PCLO: variants seen among roughly 807,000 people sequenced by gnomAD.
PCLO encodes the protein protein piccolo.
A neutral mutation model predicts 427.5 loss-of-function variants in PCLO; 82 were observed. The observed-to-expected ratio is 0.19, with a 90% CI of 0.16 to 0.23. The LOEUF is 0.23. Ranked by LOEUF, PCLO falls within the 10% of genes least tolerant of loss-of-function variation. The probability of loss-of-function intolerance (pLI) is 1.00; values close to 1 mark genes in which losing one functional copy is unlikely to be tolerated. For missense variants in PCLO, 6,239 were observed against 6,115.9 expected (o/e 1.02, Z -0.67); for synonymous variants, 2,357 against 2,155.4 (o/e 1.09, Z -2.59).
intron 22 of PCLO, among the ~76,000 whole-genome samples, chr7:82,768,823 T>C (rs1458745362): frequency 6.6e-6 from 1 of 152,186 alleles, no homozygotes; most frequent in Non-Finnish European, 1.5e-5. Context: ...TTGAAAAATA[T>C]GTGTATGTGA....
intron 3 of PCLO, among the ~76,000 whole-genome samples, chr7:83,091,556 C>T (rs1790378341): frequency 6.6e-6 from 1 of 152,162 alleles, no homozygotes; most frequent in Non-Finnish European, 1.5e-5. Context: ...AGAACTAAAA[C>T]TGCTAATCAA....
chr7:82,784,335 GT>G (rs1298025380), intron 22 of PCLO, among the ~76,000 whole-genome samples: 1 of 152,128 alleles, frequency 6.6e-6, no homozygotes, highest in African/African-American at 2.4e-5. Flanking sequence ...ACTTCTGCTG[GT>G]CAGCCGGGAA....
chr7:82,916,288 G>A lies in PCLO; in HGVS notation c.11698C>T (p.Pro3900Ser), dbSNP rs772380991. Residue 3900 changes from proline (P) to serine (S), a missense_variant, in exon 7 of 25, where the codon CCC (proline) becomes TCC (serine). Pro to Ser is a moderately conservative substitution (Grantham distance 74). Transcript: ENST00000333891. ...YSSPALPTQAPTSYTQQSHFE... is the reference protein window; with the variant it reads ...YSSPALPTQASTSYTQQSHFE... Reference sequence around the variant, plus strand: ...TGAGACTGTTGAGTGTATGAGGTGGGTGCTTGGGTAGGAAGAGCAGGGGAA... The same window carrying A: ...TGAGACTGTTGAGTGTATGAGGTGGATGCTTGGGTAGGAAGAGCAGGGGAA... The A allele has an allele frequency of 7.8e-5, 126 of 1,613,580 alleles. No homozygotes were observed. Among genetic ancestry groups the A allele is most frequent in the Non-Finnish European group, 1.0e-4 (122 of 1,179,716 alleles).
chr7:82,972,652 T>C (rs1795931552), intron 3 of PCLO, among the ~76,000 whole-genome samples: 3 of 152,062 alleles, frequency 2.0e-5, no homozygotes, highest in Admixed American at 2.0e-4. Flanking sequence ...CATAGAAGTA[T>C]GTAGTCAAAG....
Position 82,879,398 on chromosome 7 carries a change from T to C in PCLO, c.13593A>G (p.Gly4531=). 1 of 1,610,500 alleles carries C rather than the reference T, an allele frequency of 6.2e-7. No individual in the cohort carries two copies. ...KEIPGHSGEI[G]AYIAKILPGG... ...CAGGAAGAATCTTGGCAATATAGGC[T>C]CCAATTTCTCCACTATGTCCCGGGA... Residue 4531 remains glycine (G), a synonymous_variant, in exon 10 of 25, where the codon GGA becomes GGG. Coordinates refer to ENST00000333891, the MANE Select transcript of PCLO (RefSeq NM_033026.6).
rs774055010 is a variant in PCLO at position 82,949,504 on chromosome 7, G to A, written c.11084C>T (p.Ala3695Val). The A allele has an allele frequency of 5.0e-6, 8 of 1,609,382 alleles. No homozygotes were observed. The Admixed American group carries it at 1.2e-4, about 24-fold the overall frequency. Residue 3695 changes from alanine to valine, a missense_variant, in exon 6 of 25, where the codon GCT becomes GTT. Coordinates refer to ENST00000333891, the MANE Select transcript of PCLO (RefSeq NM_033026.6). Reference sequence around the variant, plus strand: ...ATAGCCCTCGGTATACTGAAAAGGAGCCCTGGAACTTTCGTCTGCTGTTGG... The same window carrying A: ...ATAGCCCTCGGTATACTGAAAAGGAACCCTGGAACTTTCGTCTGCTGTTGG... Reference protein sequence around the residue: ...LSPTADESSRAPFQYTEGYTT... With the variant: ...LSPTADESSRVPFQYTEGYTT...
chr7:82,760,408 T>G (rs1282274413), intron 24 of PCLO, among the ~76,000 whole-genome samples: 2 of 151,816 alleles, frequency 1.3e-5, no homozygotes, highest in Non-Finnish European at 2.9e-5. Context: ...ATAAGAAGAA[T>G]CTATGTAAAA....
chr7:82,838,140 G>A, intron 15 of PCLO, 78 bp downstream of exon 15: 1 of 930,002 alleles, frequency 1.1e-6, no homozygotes, highest in Non-Finnish European at 1.6e-6. Context: ...ATTAAAATGA[G>A]GTGTGGAAAT....
chr7:82,922,591 A>C (rs1794622852), intron 6 of PCLO, among the ~76,000 whole-genome samples: 1 of 151,846 alleles, frequency 6.6e-6, no homozygotes, highest in Non-Finnish European at 1.5e-5. Flanking sequence ...CTGAGGGTGG[A>C]GAGTGGGAGA....
intron 3 of PCLO, among the ~76,000 whole-genome samples, chr7:83,059,354 TAAAA>T: frequency 1.1e-5 from 1 of 90,392 alleles, no homozygotes; most frequent in South Asian, 4.2e-4. Context: ...TATACACCTT[TAAAA>T]TATATATATA....
chr7:83,052,898 C>T (rs1261159855), intron 3 of PCLO, among the ~76,000 whole-genome samples: 2 of 151,884 alleles, frequency 1.3e-5, no homozygotes, highest in Admixed American at 1.3e-4. Flanking sequence ...CTATATAATC[C>T]TCCAAATTGA....
intron 22 of PCLO, among the ~76,000 whole-genome samples, chr7:82,790,105 C>T (rs565931503): frequency 2.6e-5 from 4 of 152,200 alleles, no homozygotes; most frequent in South Asian, 4.1e-4. Context: ...TCCTGCTTTT[C>T]GCACCTCTGC....
At chr7:83,014,783 CCTTTGTCCTAATTTCCTG>C (rs1352449209) in intron 3 of PCLO, among the ~76,000 whole-genome samples, 2 of 152,034 alleles carry the variant, frequency 1.3e-5, no homozygotes, top group Non-Finnish European at 2.9e-5. Flanking sequence ...GTAACTAACA[CCTTTGTCCTAATTTCCTG>C]CTTAAAAGAG....
At chr7:83,161,127 A>G (rs1792425478) in intron 1 of PCLO, among the ~76,000 whole-genome samples, 1 of 152,224 alleles carries the variant, frequency 6.6e-6, no homozygotes, top group African/African-American at 2.4e-5. Flanking sequence ...GTAGATTTTA[A>G]GCATTTAAGA....
At chr7:82,909,833 T>C (rs1435290025) in intron 7 of PCLO, among the ~76,000 whole-genome samples, 2 of 152,038 alleles carry the variant, frequency 1.3e-5, no homozygotes, top group Non-Finnish European at 2.9e-5. Flanking sequence ...ATTTAGAAAA[T>C]AGATTGAAGA....
intron 3 of PCLO, among the ~76,000 whole-genome samples, chr7:82,990,863 AC>A (rs1210701760): frequency 6.6e-6 from 1 of 152,060 alleles, no homozygotes; most frequent in African/African-American, 2.4e-5. Flanking sequence ...AAATAAGATC[AC>A]CCCCAATGTC....
chr7:82,947,411 T>A (rs559140855), intron 6 of PCLO, among the ~76,000 whole-genome samples: 1 of 138,686 alleles, frequency 7.2e-6, no homozygotes, highest in Non-Finnish European at 1.5e-5. Context: ...AAGAAAATTA[T>A]TTTTTTAGTA....
At chr7:82,834,699 C>T (rs548161397) in intron 16 of PCLO, among the ~76,000 whole-genome samples, 2 of 152,188 alleles carry the variant, frequency 1.3e-5, no homozygotes, top group African/African-American at 4.8e-5. Context: ...CAAAATAATG[C>T]TTTTGGCTAT....
At chr7:83,019,872 T>C (rs1788299332) in intron 3 of PCLO, among the ~76,000 whole-genome samples, 1 of 151,996 alleles carries the variant, frequency 6.6e-6, no homozygotes, top group Admixed American at 6.6e-5. Context: ...ACCAGAAAGA[T>C]TCAATGTCTT....
Sources: allele counts gnomAD v4.1 joint callset (sites outside exome capture counted in the v4.1 genomes callset), GRCh38; gene constraint gnomAD v4.1.1; transcripts MANE v1.5; gene names NCBI Gene and HGNC (gene_info 2026-07-23, HGNC 2026-07-21).